Variants in WNT3 observed in about 807,000 individuals in gnomAD.
The protein encoded by WNT3 is Wnt family member 3, also known as proto-oncogene Wnt-3.
In WNT3, 7 loss-of-function variants were observed where a neutral mutation model predicts 34.2. The ratio of observed to expected loss-of-function variants is 0.20; its 90% confidence interval spans 0.12 to 0.38. The LOEUF (loss-of-function observed/expected upper bound fraction) is 0.38. Ranked by LOEUF, WNT3 falls within the 10% of genes least tolerant of loss-of-function variation. WNT3 has a pLI of 1.00. For missense variants in WNT3, 267 were observed against 499.8 expected, an observed-to-expected ratio of 0.53 and a Z score of 4.44; for synonymous variants, 212 against 211.5, an observed-to-expected ratio of 1.00 and a Z score of -0.02.
intron 1 of WNT3, among the ~76,000 whole-genome samples, chr17:46,794,056 C>T (rs76624041): frequency 0.015 from 2,216 of 152,138 alleles, 21 homozygotes; most frequent in African/African-American, 0.017. Context: ...ATCTAACAGG[C>T]ATGTTCATAG....
chr17:46,784,132 A>G (rs142784343), intron 1 of WNT3, among the ~76,000 whole-genome samples: 1 of 152,280 alleles, frequency 6.6e-6, no homozygotes, highest in African/African-American at 2.4e-5. Flanking sequence ...ATCTCAGGAC[A>G]GTGGCTTCAG....
At chr17:46,773,519 A>C in intron 2 of WNT3, 149 bp downstream of exon 2, 6 of 855,602 alleles carry the variant, frequency 7.0e-6, no homozygotes, top group East Asian at 2.8e-5. Flanking sequence ...GCGCCTGGGA[A>C]GGTGTGGCAG....
intron 1 of WNT3, among the ~76,000 whole-genome samples, chr17:46,815,607 C>T (rs934739098): frequency 3.9e-5 from 6 of 152,126 alleles, no homozygotes; most frequent in Non-Finnish European, 8.8e-5. Flanking sequence ...CCCATCTACC[C>T]TACAGCCCCA....
intron 1 of WNT3, among the ~76,000 whole-genome samples, chr17:46,782,101 C>T (rs569201336): frequency 6.6e-6 from 1 of 152,352 alleles, no homozygotes; most frequent in South Asian, 2.1e-4. Flanking sequence ...CTCCTCCCTT[C>T]GGTCTCAGGG....
Position 46,793,265 on chromosome 17 carries a change from C to A in WNT3, c.81-19356G>T, listed in dbSNP as rs540149511. Among the ~76,000 whole-genome samples the A allele has an allele frequency of 2.1e-4, 20 of 94,666 alleles. No individual in the cohort carries two copies. In the East Asian group the frequency reaches 6.6e-3, roughly 31 times the overall value. 62.1% of individuals were successfully genotyped at this position (94,666 alleles called of 152,430 possible). ...CTCTAGCCTGGGCAACAGAGTGAGA[C>A]CCTGTCTAAAAAAAAAAAAAAAAAA... On this transcript the variant is annotated intron_variant, in intron 1 of 4. Transcript: ENST00000225512.
At chr17:46,781,832 T>G (rs1200160192) in intron 1 of WNT3, among the ~76,000 whole-genome samples, 1 of 152,224 alleles carries the variant, frequency 6.6e-6, no homozygotes, top group African/African-American at 2.4e-5. Context: ...TCTAGTCTAA[T>G]TCCCTCTTCC....
chr17:46,809,360 G>A (rs991617149), intron 1 of WNT3, among the ~76,000 whole-genome samples: 52 of 152,170 alleles, frequency 3.4e-4, no homozygotes, highest in Admixed American at 1.3e-4. Flanking sequence ...TTTCCTTGCC[G>A]GCCCAGCTGG....
intron 1 of WNT3, among the ~76,000 whole-genome samples, chr17:46,802,344 C>A (rs2084135913): frequency 6.6e-6 from 1 of 152,216 alleles, no homozygotes; most frequent in African/African-American, 2.4e-5. Flanking sequence ...CAGCTCACTG[C>A]AACCTCCGCC....
chr17:46,818,455 C>T, intron 1 of WNT3, 63 bp downstream of exon 1: 3 of 1,530,114 alleles, frequency 2.0e-6, no homozygotes, highest in Non-Finnish European at 2.7e-6. Context: ...CCAGCCGGCG[C>T]CCCCACCTTC....
chr17:46,771,461 C>T (rs2059368863), intron 2 of WNT3, among the ~76,000 whole-genome samples: 1 of 149,986 alleles, frequency 6.7e-6, no homozygotes. Context: ...GCCCGGGCCC[C>T]GGGCCGCGCT....
intron 4 of WNT3, among the ~76,000 whole-genome samples, chr17:46,765,199 T>C (rs1261927338): frequency 6.6e-6 from 1 of 152,208 alleles, no homozygotes; most frequent in Non-Finnish European, 1.5e-5. Context: ...AAGGCCAAGA[T>C]AAGACTACTT....
At chr17:46,773,114 G>A (rs554679010) in intron 2 of WNT3, among the ~76,000 whole-genome samples, 1 of 152,268 alleles carries the variant, frequency 6.6e-6, no homozygotes, top group Admixed American at 6.5e-5. Context: ...TAGACTCCCA[G>A]GCTGCAAGAC....
intron 1 of WNT3, among the ~76,000 whole-genome samples, chr17:46,798,092 C>G (rs1378528906): frequency 2.0e-5 from 3 of 152,178 alleles, no homozygotes; most frequent in Non-Finnish European, 4.4e-5. Context: ...ACACACCCAG[C>G]TAATTTTTGT....
chr17:46,785,440 C>T lies in WNT3; in HGVS notation c.81-11531G>A, dbSNP rs186297093. ...GCCATAGGAGAAAAACCCATGCACACGGAGAAAAGATAACCAAGGAAAAAG... is the reference window on the plus strand; with the variant it reads ...GCCATAGGAGAAAAACCCATGCACATGGAGAAAAGATAACCAAGGAAAAAG... On this transcript the variant is annotated intron_variant, in intron 1 of 4. Transcript: ENST00000225512. Among the ~76,000 whole-genome samples the T allele has an allele frequency of 3.7e-3, 558 of 152,316 alleles. 5 individuals are homozygous for T. The highest frequency in any genetic ancestry group is 0.015 in the Admixed American group (233 of 15,294).
At chr17:46,798,415 T>C (rs1040887872) in intron 1 of WNT3, among the ~76,000 whole-genome samples, 6 of 152,164 alleles carry the variant, frequency 3.9e-5, no homozygotes, top group African/African-American at 1.4e-4. Flanking sequence ...ATATATATGA[T>C]TGTTCTCTTG....
chr17:46,805,350 G>C (rs759824492), intron 1 of WNT3, among the ~76,000 whole-genome samples: 9 of 152,080 alleles, frequency 5.9e-5, no homozygotes, highest in Non-Finnish European at 1.3e-4. Flanking sequence ...AGGTGGGCGG[G>C]TCACCTGAGG....
In WNT3 at chr17:46,810,793, A is replaced by G. The variant is rs114008361; in HGVS notation, c.80+7725T>C. 3.7e-3 allele frequency among the ~76,000 whole-genome samples: 560 copies of G among 152,296 alleles called. 1 individual carries two copies. Among genetic ancestry groups the G allele is most frequent in the African/African-American group, 0.013 (539 of 41,550 alleles). On this transcript the variant is annotated intron_variant, in intron 1 of 4. Coordinates refer to ENST00000225512, the MANE Select transcript of WNT3 (RefSeq NM_030753.5). ...TCGGAGCTGGAAGTCTTTGGCCAGCAGCTTATCCAACTCTCCTAGTTACTG... is the reference window on the plus strand; with the variant it reads ...TCGGAGCTGGAAGTCTTTGGCCAGCGGCTTATCCAACTCTCCTAGTTACTG...
rs374185346 is a variant in WNT3, at chr17:46,763,831, C to CAAAAAAAAAAAAAAA, written c.*784_*798dup. The CAAAAAAAAAAAAAAA allele has an allele frequency of 8.1e-6, 1 of 123,712 alleles. No individual in the cohort carries two copies. Among genetic ancestry groups the CAAAAAAAAAAAAAAA allele is most frequent in the African/African-American group, 3.2e-5 (1 of 31,084 alleles). The allele number at this position is 123,712 out of a possible 1,614,324, so 7.7% of individuals were successfully genotyped here. On this transcript the variant is annotated 3_prime_UTR_variant, in exon 5 of 5. Transcript: ENST00000225512. ...GCCTATTTACAAGGTCCACTACCAC[C>CAAAAAAAAAAAAAAA]AAAAAAAAAAAAAAACAAAAAAACA...
intron 1 of WNT3, among the ~76,000 whole-genome samples, chr17:46,781,872 G>A (rs2059464648): frequency 6.6e-6 from 1 of 152,146 alleles, no homozygotes; most frequent in African/African-American, 2.4e-5. Context: ...GCCCAGAGAG[G>A]TTTGTCATTT....
Sources: allele counts gnomAD v4.1 joint callset (sites outside exome capture counted in the v4.1 genomes callset), GRCh38; gene constraint gnomAD v4.1.1; transcripts MANE v1.5; gene names NCBI Gene and HGNC (gene_info 2026-07-23, HGNC 2026-07-21).